FOXN4: variants seen among roughly 807,000 people sequenced by gnomAD.
FOXN4 encodes the protein forkhead box protein N4.
A neutral mutation model predicts 45.0 loss-of-function variants in FOXN4; 12 were observed. The observed-to-expected ratio is 0.27, with a 90% CI of 0.17 to 0.43. The LOEUF (loss-of-function observed/expected upper bound fraction) is 0.43. FOXN4 is among the 20% of genes least tolerant of loss of function. The pLI, the probability that FOXN4 is intolerant of heterozygous loss-of-function variation, is 1.00. For missense variants in FOXN4, 560 were observed against 694.9 expected (o/e 0.81, Z 2.18); for synonymous variants, 297 against 295.0 (o/e 1.01, Z -0.07).
At position 109,279,327 on chromosome 12, in the gene FOXN4, C is replaced by A; in HGVS notation, c.*344G>T. 2.8e-6 allele frequency: 1 copy of A among 355,058 alleles called. No homozygotes were observed. Among genetic ancestry groups the A allele is most frequent in the Non-Finnish European group, 5.3e-6 (1 of 187,690 alleles). 22.0% of individuals were successfully genotyped at this position (355,058 alleles called of 1,614,324 possible). On this transcript the variant is annotated 3_prime_UTR_variant, in exon 10 of 10. Transcript: ENST00000299162. ...GGTGCAGGTCACTGAGGTCACGCAG[C>A]CAGGATCCAGGATGGAGAAGTCTCA...
At chr12:109,303,007 C>T (rs1302995912) in intron 2 of FOXN4, among the ~76,000 whole-genome samples, 5 of 152,090 alleles carry the variant, frequency 3.3e-5, no homozygotes, top group African/African-American at 1.2e-4. Flanking sequence ...TCAGAAATTC[C>T]CAGCTTGGCC....
In FOXN4 at chr12:109,278,412, C is replaced by T. The variant is rs369773416; in HGVS notation, c.*1259G>A. On this transcript the variant is annotated 3_prime_UTR_variant, in exon 10 of 10. Transcript: ENST00000299162. ...GAGCATTTTTCACATTTGACTAGCT[C>T]ACTCCCCTGTCTCTCTTCTAACCCA... is the stretch of plus-strand genomic sequence containing the variant. The T allele has an allele frequency of 9.2e-5, 14 of 152,334 alleles. No individual in the cohort carries two copies. Among genetic ancestry groups the T allele is most frequent in the African/African-American group, 3.1e-4 (13 of 41,574 alleles). The allele number at this position is 152,334 out of a possible 1,614,324, so 9.4% of individuals were successfully genotyped here. A position where few individuals can be genotyped will look rare whatever the true frequency, so the allele number is the denominator to read the frequency against.
chr12:109,305,590 C>T (rs2047914325), intron 2 of FOXN4, among the ~76,000 whole-genome samples: 1 of 152,040 alleles, frequency 6.6e-6, no homozygotes, highest in Non-Finnish European at 1.5e-5. Flanking sequence ...ATTAGCCAGG[C>T]ACGGTTGCTC....
intron 2 of FOXN4, among the ~76,000 whole-genome samples, chr12:109,298,605 C>T (rs554624567): frequency 2.6e-5 from 4 of 152,200 alleles, no homozygotes; most frequent in Admixed American, 6.5e-5. Context: ...TTAGGTGATC[C>T]GCCCACCTCG....
rs140404797 is a variant in FOXN4 at position 109,279,907 on chromosome 12, C to T, written c.1318G>A (p.Asp440Asn). The T allele has an allele frequency of 1.2e-5, 20 of 1,613,854 alleles. No individual in the cohort carries two copies. The African/African-American group carries it at 2.4e-4, about 19-fold the overall frequency. Reference sequence around the variant, plus strand: ...AGTGTGTCCAAGCTGAATCCCTCATCCTTCATCTCCTCCCACAGGTTCCCT... The same window carrying T: ...AGTGTGTCCAAGCTGAATCCCTCATTCTTCATCTCCTCCCACAGGTTCCCT... ...LQGNLWEEMK[D>N]EGFSLDTLGA... The change falls in exon 10 of 10, where the codon GAT (aspartate) becomes AAT (asparagine). Residue 440 changes from aspartate (D) to asparagine (N), a missense_variant. By Grantham distance (23) the Asp-to-Asn change is conservative. Transcript: ENST00000299162.
chr12:109,288,081 C>A lies in FOXN4; in HGVS notation c.332G>T (p.Gly111Val). Residue 111 changes from glycine (G) to valine (V), a missense_variant, in exon 4 of 10, where the codon GGC (glycine) becomes GTC (valine). Gly to Val is a moderately radical substitution (Grantham distance 109). This residue lies in a region of FOXN4 where 142 missense variants were observed against 185.7 expected (regional missense o/e 0.76). Transcript: ENST00000299162. The surrounding 1 kb of genome is among the most constrained non-coding windows in gnomAD (Gnocchi z 4.3). ...GMAPRGMPGL[G>V]PITGHRDSMS... is the part of the protein sequence containing the mutation. ...GCTGTCTCTGTGGCCAGTTATGGGGCCCAGACCTGGCATGCCTCGGGGGGC... is the reference window on the plus strand; with the variant it reads ...GCTGTCTCTGTGGCCAGTTATGGGGACCAGACCTGGCATGCCTCGGGGGGC... 1 of 1,549,170 alleles carries A rather than the reference C, an allele frequency of 6.5e-7. No individual in the cohort carries two copies.
At chr12:109,307,701 G>A (rs759878891) in intron 2 of FOXN4, among the ~76,000 whole-genome samples, 1 of 152,134 alleles carries the variant, frequency 6.6e-6, no homozygotes, top group African/African-American at 2.4e-5. Flanking sequence ...AACACATGAG[G>A]CCTAGAAGAA....
In FOXN4 at chr12:109,281,700, A is replaced by G. The variant is rs893573279; in HGVS notation, c.1001T>C (p.Val334Ala). ...EAPVLTHATT[V>A]AVAHGCLAVS... is the part of the protein sequence containing the mutation. ...AGCCAGGCAGCCATGCGCCACGGCC[A>G]CTGTGGTGGCGTGAGTCAGCACGGG... The change falls in exon 9 of 10, where the codon GTG (valine) becomes GCG (alanine). Residue 334 changes from valine to alanine, a missense_variant. Transcript: ENST00000299162. The G allele has an allele frequency of 2.5e-6, 4 of 1,611,252 alleles. No individual in the cohort carries two copies. The highest frequency in any genetic ancestry group is 3.4e-6 in the Non-Finnish European group (4 of 1,179,196).
rs780663205 is a variant in FOXN4 at position 109,279,906 on chromosome 12, T to A, written c.1319A>T (p.Asp440Val). 1.9e-6 allele frequency: 3 copies of A among 1,613,838 alleles called. No homozygotes were observed. The highest frequency in any genetic ancestry group is 2.7e-5 in the African/African-American group (2 of 74,926). The change falls in exon 10 of 10, where the codon GAT becomes GTT. Residue 440 changes from aspartate (D) to valine (V), a missense_variant. Coordinates refer to ENST00000299162, the MANE Select transcript of FOXN4 (RefSeq NM_213596.3). ...LQGNLWEEMK[D>V]EGFSLDTLGA... ...CAGTGTGTCCAAGCTGAATCCCTCA[T>A]CCTTCATCTCCTCCCACAGGTTCCC...
intron 9 of FOXN4, 29 bp downstream of exon 9, chr12:109,281,378 T>C: frequency 6.2e-7 from 1 of 1,610,596 alleles, no homozygotes; most frequent in Non-Finnish European, 8.5e-7. Flanking sequence ...CCCCATTCCA[T>C]TCCCATCACT....
At chr12:109,280,029 T>A in intron 9 of FOXN4, 99 bp from the exon 10 acceptor site, 1 of 1,522,258 alleles carries the variant, frequency 6.6e-7, no homozygotes, top group South Asian at 1.2e-5. Flanking sequence ...ATGTGTGGTG[T>A]CTAAGTCATG....
At chr12:109,304,003 C>CTA (rs1593788407) in intron 2 of FOXN4, among the ~76,000 whole-genome samples, 2 of 151,836 alleles carry the variant, frequency 1.3e-5, no homozygotes, top group East Asian at 3.9e-4. Flanking sequence ...CCAGCCTGGA[C>CTA]AATATGGTGA....
chr12:109,286,828 G>T, intron 6 of FOXN4, 84 bp from the exon 7 acceptor site: 1 of 1,489,544 alleles, frequency 6.7e-7, no homozygotes, highest in Non-Finnish European at 8.9e-7. Context: ...ACAGCCCAAT[G>T]CCGCCTCTGC....
At chr12:109,298,182 TAAAACAGGAGC>T (rs2047834640) in intron 2 of FOXN4, among the ~76,000 whole-genome samples, 1 of 152,074 alleles carries the variant, frequency 6.6e-6, no homozygotes, top group Non-Finnish European at 1.5e-5. Context: ...AAGAGCTCTG[TAAAACAGGAGC>T]TGTGCATTAG....
chr12:109,279,780 G>C lies in FOXN4; in HGVS notation c.1445C>G (p.Thr482Arg). The C allele has an allele frequency of 1.2e-6, 2 of 1,604,394 alleles. No homozygotes were observed. Among genetic ancestry groups the C allele is most frequent in the South Asian group, 2.2e-5 (2 of 89,370 alleles). Reference sequence around the variant, plus strand: ...AGTGGAGTACGCTGTGTAGAGACCCGTCACCTGCAAGTCTGGGAAGGACTG... The same window carrying C: ...AGTGGAGTACGCTGTGTAGAGACCCCTCACCTGCAAGTCTGGGAAGGACTG... ...SDQSFPDLQV[T>R]GLYTAYSTPD... Residue 482 changes from threonine to arginine, a missense_variant, in exon 10 of 10, where the codon ACG becomes AGG. Coordinates refer to ENST00000299162, the MANE Select transcript of FOXN4 (RefSeq NM_213596.3).
At chr12:109,308,573 G>T (rs561402596) in intron 1 of FOXN4, among the ~76,000 whole-genome samples, 2 of 152,160 alleles carry the variant, frequency 1.3e-5, no homozygotes, top group Non-Finnish European at 2.9e-5. Flanking sequence ...CGAATTAATG[G>T]GGGAAGAGCA....
Position 109,279,740 on chromosome 12 carries a change from A to G in FOXN4, c.1485T>C (p.Ala495=). The change falls in exon 10 of 10, where the codon GCT becomes GCC. Residue 495 remains alanine (A), a synonymous_variant. Transcript: ENST00000299162. ...GGGAGGAGGAGCTGGTGCCCGATGCAGCCACACTGTCCGGAGTGGAGTACG... is the reference window on the plus strand; with the variant it reads ...GGGAGGAGGAGCTGGTGCCCGATGCGGCCACACTGTCCGGAGTGGAGTACG... The part of the protein sequence containing the change: ...YTAYSTPDSV[A]ASGTSSSSQY... 6 of 1,585,000 alleles carry G rather than the reference A, an allele frequency of 3.8e-6. No homozygotes were observed. The highest frequency in any genetic ancestry group is 5.1e-6 in the Non-Finnish European group (6 of 1,165,952).
At chr12:109,289,231 T>A in intron 3 of FOXN4, among the ~76,000 whole-genome samples, 1 of 152,128 alleles carries the variant, frequency 6.6e-6, no homozygotes, top group African/African-American at 2.4e-5. Flanking sequence ...AGATCAGGGG[T>A]TGGCAAACTG....
Position 109,281,570 on chromosome 12 carries a change from T to C in FOXN4, c.1131A>G (p.Ala377=). ...PQAHLAPDSP[A]PAQTPPLHAL... is the part of the protein sequence containing the mutation. ...CGTGCAGTGGCGGGGTCTGGGCTGG[T>C]GCTGGAGAGTCTGGAGCAAGATGTG... The change falls in exon 9 of 10, where the codon GCA becomes GCG. Residue 377 remains alanine (A), a synonymous_variant. Transcript: ENST00000299162. 3.7e-6 allele frequency: 6 copies of C among 1,606,536 alleles called. No homozygotes were observed. Among genetic ancestry groups the C allele is most frequent in the Non-Finnish European group, 5.1e-6 (6 of 1,176,450 alleles).
Sources: allele counts gnomAD v4.1 joint callset (sites outside exome capture counted in the v4.1 genomes callset), GRCh38; gene constraint gnomAD v4.1.1; regional missense constraint gnomAD v4.1.1; non-coding constraint Gnocchi (gnomAD v3.1); transcripts MANE v1.5; gene names NCBI Gene and HGNC (gene_info 2026-07-23, HGNC 2026-07-21).